SORCS3: variants seen among roughly 807,000 people sequenced by gnomAD.
The protein encoded by SORCS3 is VPS10 domain-containing receptor SorCS3.
A neutral mutation model predicts 146.3 loss-of-function variants in SORCS3; 57 were observed. The ratio of observed to expected loss-of-function variants is 0.39; its 90% CI spans 0.31 to 0.49. The LOEUF (loss-of-function observed/expected upper bound fraction) is 0.49. Ranked by LOEUF, SORCS3 falls within the 20% of genes least tolerant of loss-of-function variation. The pLI, the probability that SORCS3 is intolerant of heterozygous loss-of-function variation, is 0.92. For missense variants in SORCS3, 1,341 were observed against 1,575.5 expected, an observed-to-expected ratio of 0.85 and a Z score of 2.52; for synonymous variants, 653 against 618.5, an observed-to-expected ratio of 1.06 and a Z score of -0.83.
At chr10:104,753,042 GAACTA>G (rs1346964078) in intron 1 of SORCS3, among the ~76,000 whole-genome samples, 1 of 152,142 alleles carries the variant, frequency 6.6e-6, no homozygotes, top group African/African-American at 2.4e-5. Context: ...AAGTAATTTT[GAACTA>G]AACTCTTCTA....
chr10:104,876,304 G>T (rs2018570700), intron 2 of SORCS3, among the ~76,000 whole-genome samples: 1 of 152,130 alleles, frequency 6.6e-6, no homozygotes, highest in South Asian at 2.1e-4. Flanking sequence ...GGCTGATGGA[G>T]GATGGTACTT....
intron 1 of SORCS3, among the ~76,000 whole-genome samples, chr10:104,837,074 A>T (rs999974080): frequency 7.2e-5 from 11 of 152,016 alleles, no homozygotes; most frequent in Non-Finnish European, 1.0e-4. Context: ...TACATTTATC[A>T]TCTCATCCCT....
intron 3 of SORCS3, among the ~76,000 whole-genome samples, chr10:104,955,013 A>C (rs978200478): frequency 7.9e-5 from 12 of 152,234 alleles, no homozygotes; most frequent in Non-Finnish European, 1.6e-4. Flanking sequence ...CTATTAACTA[A>C]ATAACTAAAT....
intron 9 of SORCS3, among the ~76,000 whole-genome samples, chr10:105,156,499 G>A (rs1262574469): frequency 6.6e-6 from 1 of 152,162 alleles, no homozygotes; most frequent in Non-Finnish European, 1.5e-5. Flanking sequence ...ACTGGTGAGT[G>A]CTTTGCATAG....
At chr10:105,099,470 C>T (rs975720635) in intron 6 of SORCS3, among the ~76,000 whole-genome samples, 3 of 152,104 alleles carry the variant, frequency 2.0e-5, no homozygotes, top group Non-Finnish European at 1.5e-5. Flanking sequence ...AACATAATCA[C>T]GGGACACCAT....
intron 9 of SORCS3, among the ~76,000 whole-genome samples, chr10:105,148,232 A>G (rs1203291598): frequency 1.3e-5 from 2 of 152,088 alleles, no homozygotes; most frequent in Non-Finnish European, 1.5e-5. Flanking sequence ...ATTTTATGGG[A>G]AAATAAAAGC....
At chr10:105,129,551 G>C (rs2056002901) in intron 7 of SORCS3, among the ~76,000 whole-genome samples, 1 of 151,096 alleles carries the variant, frequency 6.6e-6, no homozygotes, top group South Asian at 2.1e-4. Flanking sequence ...ACATTATTTG[G>C]GAGTCTTCAA....
intron 1 of SORCS3, among the ~76,000 whole-genome samples, chr10:104,824,940 G>A (rs894244314): frequency 6.6e-6 from 1 of 152,214 alleles, no homozygotes; most frequent in East Asian, 1.9e-4. Context: ...AGACAAGAGG[G>A]TTGGATCACA....
intron 1 of SORCS3, among the ~76,000 whole-genome samples, chr10:104,776,617 T>C (rs1049630930): frequency 6.6e-6 from 1 of 152,036 alleles, no homozygotes; most frequent in Non-Finnish European, 1.5e-5. Context: ...ACATCAAATA[T>C]ATAGTTTGCA....
At chr10:104,749,635 G>T (rs756807216) in intron 1 of SORCS3, among the ~76,000 whole-genome samples, 2 of 152,238 alleles carry the variant, frequency 1.3e-5, no homozygotes, top group Non-Finnish European at 1.5e-5. Context: ...TGAGGGAGAT[G>T]GGCCTTGAAA....
In SORCS3 at chr10:104,843,757, G is replaced by A. The variant is rs139936113; in HGVS notation, c.695+898G>A. On this transcript the variant is annotated intron_variant, in intron 2 of 26. Coordinates refer to ENST00000369701, the MANE Select transcript of SORCS3 (RefSeq NM_014978.3). ...TGCACATCCATACGACCACATTGAC[G>A]TGCAGTCACACTGGTCGACAGCGGG... 5.8e-3 allele frequency among the ~76,000 whole-genome samples: 886 copies of A among 152,328 alleles called. 5 individuals carry two copies. Among genetic ancestry groups the A allele is most frequent in the South Asian group, 0.017 (80 of 4,828 alleles).
chr10:105,158,815 G>C (rs1292811476), intron 10 of SORCS3, 77 bp from the exon 11 acceptor site: 4 of 1,097,036 alleles, frequency 3.6e-6, no homozygotes, highest in African/African-American at 1.6e-5. Context: ...TGAACATCGG[G>C]AAGCCCATCT....
chr10:105,112,881 A>C (rs1207393238), intron 7 of SORCS3, among the ~76,000 whole-genome samples: 1 of 152,164 alleles, frequency 6.6e-6, no homozygotes, highest in Non-Finnish European at 1.5e-5. Context: ...GTCTACTTAA[A>C]TTTCGAACTT....
chr10:104,708,166 A>C (rs2016361248), intron 1 of SORCS3, among the ~76,000 whole-genome samples: 1 of 152,198 alleles, frequency 6.6e-6, no homozygotes, highest in Non-Finnish European at 1.5e-5. Context: ...AAATGGAAAT[A>C]TCTCTCCCAT....
intron 1 of SORCS3, among the ~76,000 whole-genome samples, chr10:104,779,016 A>G (rs1321346111): frequency 6.6e-6 from 1 of 152,194 alleles, no homozygotes; most frequent in South Asian, 2.1e-4. Flanking sequence ...AGGGTTCTTC[A>G]TAAGGGGAGG....
intron 16 of SORCS3, among the ~76,000 whole-genome samples, chr10:105,204,983 A>G (rs2056594143): frequency 1.3e-5 from 2 of 152,194 alleles, no homozygotes; most frequent in African/African-American, 4.8e-5. Context: ...CCCCTTCTCA[A>G]TGGTCCTCTC....
chr10:105,156,999 C>T (rs1277035148), intron 9 of SORCS3, 139 bp from the exon 10 acceptor site: 15 of 951,090 alleles, frequency 1.6e-5, no homozygotes, highest in South Asian at 5.0e-5. Context: ...TGGCATTCAA[C>T]GTTTCCTATC....
chr10:104,808,710 G>C (rs1238259883), intron 1 of SORCS3, among the ~76,000 whole-genome samples: 2 of 152,280 alleles, frequency 1.3e-5, no homozygotes, highest in East Asian at 3.9e-4. Flanking sequence ...ATCTTATGAA[G>C]GTAAATTAAC....
chr10:104,880,115 C>T (rs777805161), intron 2 of SORCS3, among the ~76,000 whole-genome samples: 7 of 152,298 alleles, frequency 4.6e-5, no homozygotes, highest in Middle Eastern at 3.4e-3. Flanking sequence ...TCCTGGAGGG[C>T]GGCAAGCCTA....
Sources: gnomAD v4.1 joint callset for allele counts (sites outside exome capture counted in the v4.1 genomes callset) on GRCh38, gnomAD v4.1.1 for gene constraint, MANE v1.5 for transcripts, NCBI Gene and HGNC (gene_info 2026-07-23, HGNC 2026-07-21) for gene names.